PLAT: variants seen among roughly 807,000 people sequenced by gnomAD.
PLAT encodes plasminogen activator, tissue type.
Under a neutral mutation model 74.9 loss-of-function variants are expected in PLAT, and 48 were observed. The ratio of observed to expected loss-of-function variants is 0.64; its 90% CI spans 0.51 to 0.82. The LOEUF (loss-of-function observed/expected upper bound fraction) is 0.82. PLAT is among the 40% of genes least tolerant of loss of function. The pLI, the probability that PLAT is intolerant of heterozygous loss-of-function variation, is 0.00. For synonymous variants in PLAT, 307 were observed against 294.4 expected (o/e 1.04, Z -0.44); for missense variants, 673 against 736.2 (o/e 0.91, Z 0.99).
intron 13 of PLAT, among the ~76,000 whole-genome samples, chr8:42,176,786 C>A (rs952692747): frequency 2.6e-5 from 4 of 152,156 alleles, no homozygotes; most frequent in African/African-American, 7.2e-5. Flanking sequence ...CGCCATCATT[C>A]ACTTATTCTC....
intron 1 of PLAT, among the ~76,000 whole-genome samples, chr8:42,203,598 T>G (rs1806214068): frequency 6.6e-6 from 1 of 152,244 alleles, no homozygotes. Flanking sequence ...TATCTGTCCC[T>G]CTATCCCATT....
Position 42,191,915 on chromosome 8 carries a change from G to A in PLAT, c.73-501C>T, listed in dbSNP as rs140883821. Among the ~76,000 whole-genome samples, 520 of 151,684 alleles carry A rather than the reference G, an allele frequency of 3.4e-3. 7 individuals are homozygous for A. Among genetic ancestry groups the A allele is most frequent in the African/African-American group, 0.012 (492 of 41,338 alleles). On this transcript the variant is annotated intron_variant, in intron 2 of 13. Coordinates refer to ENST00000220809, the MANE Select transcript of PLAT (RefSeq NM_000930.5). ...ATTGCTAGGCATTTTCAGAGAGTGT[G>A]TGTAGCGCTTCCATCTCAGCTAGAG...
At chr8:42,205,834 T>C (rs1474181476) in intron 1 of PLAT, among the ~76,000 whole-genome samples, 1 of 152,208 alleles carries the variant, frequency 6.6e-6, no homozygotes, top group African/African-American at 2.4e-5. Context: ...CACATGTGTG[T>C]TCTTAACATT....
chr8:42,199,789 A>C (rs1806057295), intron 1 of PLAT, among the ~76,000 whole-genome samples: 1 of 152,260 alleles, frequency 6.6e-6, no homozygotes, highest in Admixed American at 6.5e-5. Flanking sequence ...TAAATCAGTC[A>C]GTGCAATAAA....
rs768094705 is a variant in PLAT, at chr8:42,182,795, T to C, written c.727A>G (p.Ile243Val). ...GASCLPWNSM[I>V]LIGKVYTAQN... ...GCTGTGTAAACCTTGCCTATCAGGA[T>C]CATGGAATTCCACGGGAGGCAGGAG... The change falls in exon 8 of 14, where the codon ATC (isoleucine) becomes GTC (valine). Residue 243 changes from isoleucine (I) to valine (V), a missense_variant. Physicochemically the swap from Ile to Val is conservative, Grantham distance 29. Transcript: ENST00000220809. The C allele has an allele frequency of 1.9e-6, 3 of 1,613,662 alleles. No individual in the cohort carries two copies. Among genetic ancestry groups the C allele is most frequent in the African/African-American group, 2.7e-5 (2 of 74,864 alleles).
intron 13 of PLAT, 29 bp downstream of exon 13, chr8:42,178,868 C>T (rs1011060263): frequency 4.4e-6 from 7 of 1,608,040 alleles, no homozygotes; most frequent in Non-Finnish European, 5.9e-6. Context: ...CTGGGTTGTG[C>T]CCAGCATGGG....
rs753090202 is a variant in PLAT at position 42,182,797 on chromosome 8, A to G, written c.725T>C (p.Met242Thr). ...TGTGTAAACCTTGCCTATCAGGATC[A>G]TGGAATTCCACGGGAGGCAGGAGGC... ...SGASCLPWNS[M>T]ILIGKVYTAQ... The change falls in exon 8 of 14, where the codon ATG (methionine) becomes ACG (threonine). Residue 242 changes from methionine to threonine, a missense_variant. Coordinates refer to ENST00000220809, the MANE Select transcript of PLAT (RefSeq NM_000930.5). 5 of 1,613,560 alleles carry G rather than the reference A, an allele frequency of 3.1e-6. No individual in the cohort carries two copies. The highest frequency in any genetic ancestry group is 2.2e-5 in the South Asian group (2 of 91,066).
intron 1 of PLAT, among the ~76,000 whole-genome samples, chr8:42,198,534 A>G (rs958303524): frequency 1.3e-5 from 2 of 152,222 alleles, no homozygotes; most frequent in African/African-American, 2.4e-5. Context: ...AACTGTACAC[A>G]TGTAGTCAAT....
intron 2 of PLAT, among the ~76,000 whole-genome samples, chr8:42,191,689 G>A (rs1264525764): frequency 6.6e-6 from 1 of 152,116 alleles, no homozygotes; most frequent in Non-Finnish European, 1.5e-5. Flanking sequence ...GCCACCGAGT[G>A]CTTTGAATGT....
chr8:42,206,868 C>T (rs1806359387), intron 1 of PLAT, among the ~76,000 whole-genome samples: 1 of 152,198 alleles, frequency 6.6e-6, no homozygotes, highest in Non-Finnish European at 1.5e-5. Flanking sequence ...GGGCAAAAAG[C>T]CAGAGGGCCA....
At chr8:42,187,880 C>G (rs370606205) in intron 5 of PLAT, 26 bp downstream of exon 5, 4 of 1,419,384 alleles carry the variant, frequency 2.8e-6, no homozygotes, top group Non-Finnish European at 4.0e-6. Context: ...GATTTCAGCT[C>G]GTTTCACGTG....
intron 3 of PLAT, among the ~76,000 whole-genome samples, 192 bp downstream of exon 3, chr8:42,191,180 C>T (rs754499992): frequency 3.3e-5 from 5 of 152,210 alleles, no homozygotes; most frequent in Non-Finnish European, 7.3e-5. Context: ...GAATCAGAAC[C>T]CGCCCAGTGG....
intron 1 of PLAT, chr8:42,193,560 CT>C: frequency 4.6e-6 from 1 of 216,642 alleles, no homozygotes; most frequent in Non-Finnish European, 9.5e-6. Flanking sequence ...CCCCATTCCC[CT>C]TTTCCCCAGC....
intron 13 of PLAT, among the ~76,000 whole-genome samples, chr8:42,177,988 T>G (rs1421515011): frequency 6.6e-6 from 1 of 152,238 alleles, no homozygotes; most frequent in Non-Finnish European, 1.5e-5. Context: ...ATCAATTCCT[T>G]GGCTCTGTGC....
intron 1 of PLAT, among the ~76,000 whole-genome samples, chr8:42,196,292 TGA>T (rs1805902540): frequency 6.6e-6 from 1 of 152,210 alleles, no homozygotes; most frequent in African/African-American, 2.4e-5. Flanking sequence ...TCTTTGCTCC[TGA>T]GAGAGTTGGA....
In PLAT at chr8:42,185,160, T is replaced by C. The variant is rs753763001; in HGVS notation, c.552A>G (p.Arg184=). 6.2e-7 allele frequency: 1 copy of C among 1,611,062 alleles called. No homozygotes were observed. Among genetic ancestry groups the C allele is most frequent in the Non-Finnish European group, 8.5e-7 (1 of 1,178,574 alleles). ...AGACGTAGCACCAGGGCTTTGAGTC[T>C]CGATCTGGGTTTCTGAAAAATCAGC... ...GNHNYCRNPD[R]DSKPWCYVFK... is the part of the protein sequence containing the mutation. Residue 184 remains arginine, a synonymous_variant, in exon 7 of 14, where the codon CGA becomes CGG. Coordinates refer to ENST00000220809, the MANE Select transcript of PLAT (RefSeq NM_000930.5).
At position 42,180,107 on chromosome 8, in the gene PLAT, C is replaced by T. The variant is rs765583643; in HGVS notation, c.1223-41G>A. 1.9e-5 allele frequency: 31 copies of T among 1,590,196 alleles called. No individual in the cohort carries two copies. In the East Asian group the frequency reaches 2.7e-4, roughly 14 times the overall value. On this transcript the variant is annotated intron_variant, in intron 11 of 13. Coordinates refer to ENST00000220809, the MANE Select transcript of PLAT (RefSeq NM_000930.5). ...GAGGAGTGAGCTGGCGTGAGGGCCGCGTCCCCGGGAGGGGAGGAACACGCA... is the reference window on the plus strand; with the variant it reads ...GAGGAGTGAGCTGGCGTGAGGGCCGTGTCCCCGGGAGGGGAGGAACACGCA...
rs185023231 is a variant in PLAT, at chr8:42,185,220, C to T, written c.540-48G>A. On this transcript the variant is annotated intron_variant, in intron 6 of 13. Transcript: ENST00000220809. ...GGCCAGGGTAGGTCAAAGGTGAAGCCTCTCCTTTAGGACCCAAGGACTTTG... is the reference window on the plus strand; with the variant it reads ...GGCCAGGGTAGGTCAAAGGTGAAGCTTCTCCTTTAGGACCCAAGGACTTTG... The T allele has an allele frequency of 1.1e-4, 143 of 1,253,688 alleles. No homozygotes were observed. In the East Asian group the frequency reaches 3.1e-3, roughly 27 times the overall value. The allele number at this position is 1,253,688 out of a possible 1,614,324, so 77.7% of individuals were successfully genotyped here.
chr8:42,175,923 G>A lies in PLAT; in HGVS notation c.*70C>T, dbSNP rs1157694148. The A allele has an allele frequency of 3.0e-5, 44 of 1,483,420 alleles. No homozygotes were observed. Among genetic ancestry groups the A allele is most frequent in the South Asian group, 6.0e-5 (5 of 83,772 alleles). 91.9% of individuals were successfully genotyped at this position (1,483,420 alleles called of 1,614,324 possible). A position where few individuals can be genotyped will look rare whatever the true frequency, so the allele number is the denominator to read the frequency against. The stretch of plus-strand genomic sequence containing the variant: ...GGAGAAGTCTGTAGAGAAGCACTGC[G>A]CCTTTGCAGTGTCTTCTGAAGAAGA... On this transcript the variant is annotated 3_prime_UTR_variant, in exon 14 of 14. Coordinates refer to ENST00000220809, the MANE Select transcript of PLAT (RefSeq NM_000930.5).
Sources: allele counts gnomAD v4.1 joint callset (sites outside exome capture counted in the v4.1 genomes callset), GRCh38; gene constraint gnomAD v4.1.1; transcripts MANE v1.5; gene names NCBI Gene and HGNC (gene_info 2026-07-23, HGNC 2026-07-21).